The following IGSF21 variants were observed in gnomAD, a reference collection of about 807,000 sequenced individuals.
IGSF21 encodes immunoglobin superfamily member 21.
A neutral mutation model predicts 46.8 loss-of-function variants in IGSF21; 28 were observed. The observed-to-expected ratio is 0.60, with a 90% CI of 0.44 to 0.82. IGSF21 has a LOEUF of 0.82. Among genes scored for constraint, IGSF21 ranks in the 40% least tolerant of loss-of-function variants. IGSF21 has a pLI of 0.00. For synonymous variants in IGSF21, 284 were observed against 273.6 expected (o/e 1.04, Z -0.38); for missense variants, 624 against 665.5 (o/e 0.94, Z 0.69).
At chr1:18,355,430 G>GTTAA (rs1345501186) in intron 4 of IGSF21, among the ~76,000 whole-genome samples, 1 of 152,178 alleles carries the variant, frequency 6.6e-6, no homozygotes, top group Non-Finnish European at 1.5e-5. Flanking sequence ...CTGTGTCGAT[G>GTTAA]TTAACTGTTG....
intron 2 of IGSF21, among the ~76,000 whole-genome samples, chr1:18,265,925 C>A (rs566316899): frequency 1.3e-5 from 2 of 152,308 alleles, no homozygotes; most frequent in Non-Finnish European, 2.9e-5. Flanking sequence ...TCCTCCTGAG[C>A]CATAGAGATT....
intron 2 of IGSF21, among the ~76,000 whole-genome samples, chr1:18,286,539 C>A (rs2085213414): frequency 6.6e-6 from 1 of 152,208 alleles, no homozygotes; most frequent in South Asian, 2.1e-4. Context: ...GGATGTTTTC[C>A]TGCACAGAAT....
At position 18,349,409 on chromosome 1, in the gene IGSF21, C is replaced by G. The variant is rs531669115; in HGVS notation, c.425-12706C>G. ...CTAAGAGATGAGGAAGGAGGGAGTC[C>G]TTCCTCCAGAGGAGGGCATCAGGAA... On this transcript the variant is annotated intron_variant, in intron 4 of 9. Coordinates refer to ENST00000251296, the MANE Select transcript of IGSF21 (RefSeq NM_032880.5). Among the ~76,000 whole-genome samples the G allele has an allele frequency of 7.9e-5, 12 of 152,154 alleles. No individual in the cohort carries two copies. The South Asian group carries it at 2.5e-3, about 32-fold the overall frequency.
chr1:18,141,874 G>T (rs2086418341), intron 1 of IGSF21, among the ~76,000 whole-genome samples: 1 of 152,040 alleles, frequency 6.6e-6, no homozygotes, highest in Non-Finnish European at 1.5e-5. Context: ...TTTGAGACCA[G>T]CCTGGGCACC....
At chr1:18,217,874 G>T (rs1176720934) in intron 1 of IGSF21, among the ~76,000 whole-genome samples, 1 of 152,174 alleles carries the variant, frequency 6.6e-6, no homozygotes, top group Non-Finnish European at 1.5e-5. Context: ...CTGTAGAATG[G>T]GGACACTATC....
chr1:18,130,695 C>A (rs1360470415), intron 1 of IGSF21, among the ~76,000 whole-genome samples: 1 of 152,216 alleles, frequency 6.6e-6, no homozygotes, highest in Non-Finnish European at 1.5e-5. Flanking sequence ...GAGCTCAGAA[C>A]TCTTCATTAC....
chr1:18,325,195 G>C (rs976457082), intron 3 of IGSF21, among the ~76,000 whole-genome samples: 2 of 152,260 alleles, frequency 1.3e-5, no homozygotes, highest in African/African-American at 4.8e-5. Flanking sequence ...GGCCATGTCT[G>C]TGTGTGTACA....
chr1:18,292,892 A>G (rs1463164066), intron 3 of IGSF21, among the ~76,000 whole-genome samples: 1 of 152,080 alleles, frequency 6.6e-6, no homozygotes, highest in Non-Finnish European at 1.5e-5. Flanking sequence ...TTGCACACAC[A>G]CACTCTTCCA....
chr1:18,362,728 G>A (rs1164062943), intron 5 of IGSF21, among the ~76,000 whole-genome samples: 3 of 152,198 alleles, frequency 2.0e-5, no homozygotes, highest in African/African-American at 4.8e-5. Context: ...GGGCGAGAAG[G>A]AAGGGAGAAA....
intron 2 of IGSF21, among the ~76,000 whole-genome samples, chr1:18,284,675 G>A (rs975813713): frequency 2.0e-5 from 3 of 152,194 alleles, no homozygotes; most frequent in African/African-American, 7.2e-5. Context: ...AGCACCCACA[G>A]TAAAACTGAG....
intron 1 of IGSF21, 66 bp downstream of exon 1, chr1:18,108,264 G>A (rs1178270351): frequency 3.1e-6 from 4 of 1,302,914 alleles, no homozygotes; most frequent in Middle Eastern, 5.9e-4. Context: ...TGCCGGGGGA[G>A]GGCGCTGGCC....
At chr1:18,123,143 T>C (rs2086249320) in intron 1 of IGSF21, among the ~76,000 whole-genome samples, 1 of 152,116 alleles carries the variant, frequency 6.6e-6, no homozygotes, top group African/African-American at 2.4e-5. Flanking sequence ...GTCCGTAAAA[T>C]GAAAGGGTGA....
rs772931608 is a variant in IGSF21, at chr1:18,365,646, G to A, written c.964G>A (p.Glu322Lys). 109 of 1,614,078 alleles carry A rather than the reference G, an allele frequency of 6.8e-5. No individual in the cohort carries two copies. The highest frequency in any genetic ancestry group is 8.8e-5 in the Non-Finnish European group (104 of 1,180,038). Residue 322 changes from glutamate (E) to lysine (K), a missense_variant, in exon 6 of 10, where the codon GAG (glutamate) becomes AAG (lysine). Transcript: ENST00000251296. This position sits in a 1 kb window ranked among gnomAD's most constrained non-coding sequence, Gnocchi z 4.8. ...QIDNEALFSC[E>K]VKHPALSMPM... ...CGACAACGAGGCCCTCTTCAGCTGC[G>A]AGGTCAAGCACCCAGCTCTGTCGAT...
chr1:18,295,460 CA>C (rs1293811792), intron 3 of IGSF21, among the ~76,000 whole-genome samples: 1 of 152,182 alleles, frequency 6.6e-6, no homozygotes, highest in Non-Finnish European at 1.5e-5. Context: ...CATCATTCCA[CA>C]TTCTGCAAAG....
intron 3 of IGSF21, among the ~76,000 whole-genome samples, chr1:18,300,336 C>T (rs2085349284): frequency 6.6e-6 from 1 of 152,194 alleles, no homozygotes; most frequent in African/African-American, 2.4e-5. Flanking sequence ...TCCACCTGCT[C>T]GGATGTGCAC....
At chr1:18,371,646 T>C (rs2086226153) in intron 6 of IGSF21, among the ~76,000 whole-genome samples, 1 of 151,896 alleles carries the variant, frequency 6.6e-6, no homozygotes, top group Admixed American at 6.6e-5. Context: ...TTATTTGAAA[T>C]TCTAGAACAA....
chr1:18,230,327 T>C (rs2084611762), intron 2 of IGSF21, among the ~76,000 whole-genome samples: 1 of 152,180 alleles, frequency 6.6e-6, no homozygotes, highest in Non-Finnish European at 1.5e-5. Flanking sequence ...TGCCTAACCT[T>C]GATGCCACTG....
intron 9 of IGSF21, 104 bp downstream of exon 9, chr1:18,377,535 C>G: frequency 2.2e-6 from 2 of 911,556 alleles, no homozygotes; most frequent in Non-Finnish European, 3.7e-6. Flanking sequence ...CTTGCCACTC[C>G]CTGACACCTC....
At chr1:18,331,459 T>G (rs2085712603) in intron 3 of IGSF21, among the ~76,000 whole-genome samples, 1 of 152,252 alleles carries the variant, frequency 6.6e-6, no homozygotes, top group African/African-American at 2.4e-5. Flanking sequence ...TATGGCTGAA[T>G]AGTATTCCAC....
Sources: gnomAD v4.1 joint callset for allele counts (sites outside exome capture counted in the v4.1 genomes callset) on GRCh38, gnomAD v4.1.1 for gene constraint, Gnocchi (gnomAD v3.1) non-coding constraint, MANE v1.5 for transcripts, NCBI Gene and HGNC (gene_info 2026-07-23, HGNC 2026-07-21) for gene names.